Variants in PHACTR1 observed in about 807,000 individuals in gnomAD.
The protein encoded by PHACTR1 is phosphatase and actin regulator 1.
Under a neutral mutation model 69.2 loss-of-function variants are expected in PHACTR1, and 16 were observed. The observed-to-expected ratio is 0.23, with a 90% CI of 0.16 to 0.35. The LOEUF (loss-of-function observed/expected upper bound fraction) is 0.35. Among genes scored for constraint, PHACTR1 ranks in the 10% least tolerant of loss-of-function variants. PHACTR1 has a pLI of 1.00. For synonymous variants in PHACTR1, 312 were observed against 284.5 expected (o/e 1.10, Z -0.97); for missense variants, 510 against 734.7 (o/e 0.69, Z 3.54).
At chr6:12,737,136 C>T (rs539352438) in intron 3 of PHACTR1, among the ~76,000 whole-genome samples, 1 of 152,204 alleles carries the variant, frequency 6.6e-6, no homozygotes, top group Non-Finnish European at 1.5e-5. Context: ...TGTACTTACA[C>T]AAACCTAGAT....
intron 6 of PHACTR1, among the ~76,000 whole-genome samples, chr6:13,168,298 G>A (rs1258174379): frequency 1.3e-5 from 2 of 152,184 alleles, no homozygotes; most frequent in Non-Finnish European, 2.9e-5. Context: ...AATTAAGACA[G>A]CTAGAAAGTG....
chr6:12,973,766 CA>C (rs1794512627), intron 4 of PHACTR1, among the ~76,000 whole-genome samples: 1 of 152,014 alleles, frequency 6.6e-6, no homozygotes, highest in East Asian at 1.9e-4. Flanking sequence ...CTGTTCTGAC[CA>C]AAGGCACGCT....
chr6:12,822,353 G>T (rs899790374), intron 4 of PHACTR1, among the ~76,000 whole-genome samples: 1 of 152,178 alleles, frequency 6.6e-6, no homozygotes, highest in African/African-American at 2.4e-5. Flanking sequence ...AAGAACCAGA[G>T]ACCTAAGGGG....
At chr6:12,986,704 C>T (rs1195510947) in intron 4 of PHACTR1, among the ~76,000 whole-genome samples, 1 of 152,152 alleles carries the variant, frequency 6.6e-6, no homozygotes, top group Non-Finnish European at 1.5e-5. Flanking sequence ...ATAGAAGACA[C>T]CTACGGAAGA....
At chr6:12,915,266 G>A (rs950673603) in intron 4 of PHACTR1, among the ~76,000 whole-genome samples, 1 of 152,146 alleles carries the variant, frequency 6.6e-6, no homozygotes, top group Non-Finnish European at 1.5e-5. Context: ...AGCATTTTGG[G>A]AGGCCAAGGC....
At chr6:12,893,915 CT>C (rs1784393352) in intron 4 of PHACTR1, among the ~76,000 whole-genome samples, 1 of 152,210 alleles carries the variant, frequency 6.6e-6, no homozygotes, top group South Asian at 2.1e-4. Flanking sequence ...CAGCTGCACT[CT>C]CTGCTGAGCA....
At chr6:13,015,716 T>C (rs1040822285) in intron 4 of PHACTR1, among the ~76,000 whole-genome samples, 5 of 152,352 alleles carry the variant, frequency 3.3e-5, no homozygotes, top group Admixed American at 2.0e-4. Flanking sequence ...TTATGAGTGC[T>C]GTCACTGGTA....
intron 4 of PHACTR1, among the ~76,000 whole-genome samples, chr6:12,805,404 ACTTCTC>A (rs1774189154): frequency 6.6e-6 from 1 of 152,024 alleles, no homozygotes; most frequent in African/African-American, 2.4e-5. Flanking sequence ...ATTCTGTCTC[ACTTCTC>A]CCAGTCTCAA....
At chr6:13,027,740 A>G (rs1801904937) in intron 4 of PHACTR1, among the ~76,000 whole-genome samples, 1 of 152,080 alleles carries the variant, frequency 6.6e-6, no homozygotes, top group Non-Finnish European at 1.5e-5. Context: ...CAGTGGTGCA[A>G]TCTAGGCTCC....
chr6:12,946,549 A>T (rs1446017921), intron 4 of PHACTR1, among the ~76,000 whole-genome samples: 1 of 152,214 alleles, frequency 6.6e-6, no homozygotes, highest in Non-Finnish European at 1.5e-5. Context: ...AAAATAGATT[A>T]AAAGATCAGA....
intron 4 of PHACTR1, among the ~76,000 whole-genome samples, chr6:13,048,641 TCTC>T (rs1323920361): frequency 2.6e-5 from 4 of 151,962 alleles, no homozygotes; most frequent in Non-Finnish European, 5.9e-5. Context: ...TTCAAGCAGT[TCTC>T]CTGCCTCAGC....
intron 10 of PHACTR1, among the ~76,000 whole-genome samples, chr6:13,271,702 T>C (rs202078): frequency 0.075 from 11,482 of 152,198 alleles, 743 homozygotes; most frequent in Admixed American, 0.23. Context: ...TTGTTTGTTT[T>C]TTTTTTTAAT....
At chr6:13,125,411 A>G (rs577869852) in intron 5 of PHACTR1, among the ~76,000 whole-genome samples, 1 of 152,100 alleles carries the variant, frequency 6.6e-6, no homozygotes, top group African/African-American at 2.4e-5. Context: ...TTTTAAGACC[A>G]GCAGCTTTTA....
In PHACTR1 at chr6:13,195,757, C is replaced by CAAAAAAAAAAAAAA. The variant is rs869092852; in HGVS notation, c.665-10048_665-10035dup. On this transcript the variant is annotated intron_variant, in intron 7 of 14. Coordinates refer to ENST00000332995, the MANE Select transcript of PHACTR1 (RefSeq NM_030948.6). ...TGGGCGACAGAGAGAGACACCGTCT[C>CAAAAAAAAAAAAAA]AAAAAAAAAAAAAAAAAAAAAAAGT... 2.6e-3 allele frequency among the ~76,000 whole-genome samples: 107 copies of CAAAAAAAAAAAAAA among 41,492 alleles called. 19 individuals carry two copies. The highest frequency in any genetic ancestry group is 3.7e-3 in the East Asian group (13 of 3,512). 27.2% of individuals were successfully genotyped at this position (41,492 alleles called of 152,430 possible). A position where few individuals can be genotyped will look rare whatever the true frequency, so the allele number is the denominator to read the frequency against.
At chr6:12,873,609 G>A (rs1051890629) in intron 4 of PHACTR1, among the ~76,000 whole-genome samples, 1 of 152,178 alleles carries the variant, frequency 6.6e-6, no homozygotes, top group Admixed American at 6.5e-5. Context: ...CAAAAAAGGA[G>A]CAATCAATTC....
chr6:12,930,006 C>G (rs559727665), intron 4 of PHACTR1, among the ~76,000 whole-genome samples: 1 of 151,652 alleles, frequency 6.6e-6, no homozygotes, highest in African/African-American at 2.4e-5. Flanking sequence ...ACTGCAGTAT[C>G]TTAGTTAATC....
intron 10 of PHACTR1, among the ~76,000 whole-genome samples, chr6:13,258,381 T>G (rs1775484254): frequency 6.6e-6 from 1 of 150,464 alleles, no homozygotes. Flanking sequence ...AAAACAGTGC[T>G]TAAGCTCTAC....
intron 4 of PHACTR1, among the ~76,000 whole-genome samples, chr6:12,833,393 G>A (rs1184525287): frequency 1.3e-5 from 2 of 151,830 alleles, no homozygotes; most frequent in Non-Finnish European, 2.9e-5. Flanking sequence ...TGAGTAGCTG[G>A]GATTACAGGT....
chr6:12,886,847 A>C (rs895058502), intron 4 of PHACTR1, among the ~76,000 whole-genome samples: 1 of 152,206 alleles, frequency 6.6e-6, no homozygotes. Context: ...GTTCCAAAAA[A>C]AAAAAATGCC....
Sources: gnomAD v4.1 joint callset for allele counts (sites outside exome capture counted in the v4.1 genomes callset) on GRCh38, gnomAD v4.1.1 for gene constraint, MANE v1.5 for transcripts, NCBI Gene and HGNC (gene_info 2026-07-23, HGNC 2026-07-21) for gene names.